Variants in GHR observed in about 807,000 individuals in gnomAD.
The protein encoded by GHR is GH receptor.
GHR carries 35 observed loss-of-function variants against 67.1 expected under a neutral mutation model. The observed-to-expected ratio is 0.52, with a 90% CI of 0.40 to 0.69. The LOEUF (loss-of-function observed/expected upper bound fraction) is 0.69. GHR is among the 30% of genes least tolerant of loss of function. The probability of loss-of-function intolerance (pLI) is 0.00; values close to 1 mark genes in which losing one functional copy is unlikely to be tolerated. For missense variants in GHR, 792 were observed against 764.6 expected (o/e 1.04, Z -0.42); for synonymous variants, 272 against 269.1 (o/e 1.01, Z -0.10).
chr5:42,641,959 T>C (rs1206128830), intron 3 of GHR, among the ~76,000 whole-genome samples: 1 of 152,056 alleles, frequency 6.6e-6, no homozygotes, highest in Non-Finnish European at 1.5e-5. Flanking sequence ...TGGCTCCTCT[T>C]GGAAAAACCA....
At position 42,721,497 on chromosome 5, in the gene GHR, G is replaced by A. The variant is rs1759021110; in HGVS notation, c.*2073G>A. 2 of 152,564 alleles carry A rather than the reference G, an allele frequency of 1.3e-5. No homozygotes were observed. Among genetic ancestry groups the A allele is most frequent in the Non-Finnish European group, 2.9e-5 (2 of 68,016 alleles). 9.5% of individuals were successfully genotyped at this position (152,564 alleles called of 1,614,324 possible). ...AACATGTTATTTGTAATAGATGTTT[G>A]ATAGATTTTCTGCTACTTTGCTGCT... On this transcript the variant is annotated 3_prime_UTR_variant, in exon 10 of 10. Transcript: ENST00000230882.
At chr5:42,549,884 G>A (rs1033192197) in intron 1 of GHR, among the ~76,000 whole-genome samples, 1 of 152,234 alleles carries the variant, frequency 6.6e-6, no homozygotes, top group African/African-American at 2.4e-5. Flanking sequence ...TAGTCCAGAT[G>A]TCAGGGCTAG....
intron 3 of GHR, among the ~76,000 whole-genome samples, chr5:42,663,124 T>C (rs1358804011): frequency 6.6e-6 from 1 of 151,696 alleles, no homozygotes; most frequent in African/African-American, 2.4e-5. Context: ...CCAAAAAGAG[T>C]CCAGGCCCAG....
chr5:42,718,348 G>C, intron 9 of GHR, 105 bp from the exon 10 acceptor site: 1 of 891,426 alleles, frequency 1.1e-6, no homozygotes, highest in East Asian at 2.4e-5. Context: ...TTTTGTTACT[G>C]TTGTTCTTAT....
At chr5:42,618,843 A>G (rs1231518479) in intron 2 of GHR, among the ~76,000 whole-genome samples, 2 of 152,112 alleles carry the variant, frequency 1.3e-5, no homozygotes, top group Non-Finnish European at 1.5e-5. Flanking sequence ...CCAAGCAGAC[A>G]TGTTGGTCTG....
intron 7 of GHR, among the ~76,000 whole-genome samples, chr5:42,712,587 T>C (rs750296165): frequency 6.6e-6 from 1 of 152,146 alleles, no homozygotes; most frequent in Non-Finnish European, 1.5e-5. Context: ...GAAAAGACTA[T>C]TTCAGCATAA....
At chr5:42,438,966 C>A (rs1241948091) in intron 1 of GHR, among the ~76,000 whole-genome samples, 6 of 152,112 alleles carry the variant, frequency 3.9e-5, no homozygotes, top group Non-Finnish European at 1.5e-5. Context: ...AATAATGCAG[C>A]CTAACACTGT....
rs909333437 is a variant in GHR at position 42,695,093 on chromosome 5, A to G, written c.439+4A>G. On this transcript the variant is annotated splice_donor_region_variant and intron_variant, in intron 5 of 9. Coordinates refer to ENST00000230882, the MANE Select transcript of GHR (RefSeq NM_000163.5). ...TGTTTCTCTGTTGATGAAATAGGTA[A>G]ATCACAGGTTTTTGTTTCATTTGAC... 6.3e-7 allele frequency: 1 copy of G among 1,597,722 alleles called. No individual in the cohort carries two copies. Among genetic ancestry groups the G allele is most frequent in the Admixed American group, 1.7e-5 (1 of 59,970 alleles).
chr5:42,507,529 T>C (rs1746828892), intron 1 of GHR, among the ~76,000 whole-genome samples: 3 of 152,186 alleles, frequency 2.0e-5, no homozygotes, highest in Admixed American at 6.5e-5. Flanking sequence ...CATGGTGGAA[T>C]TCAAAATGGT....
intron 1 of GHR, among the ~76,000 whole-genome samples, chr5:42,452,787 C>T (rs777596995): frequency 6.6e-6 from 1 of 151,746 alleles, no homozygotes; most frequent in Admixed American, 6.6e-5. Flanking sequence ...GAGAAAATTT[C>T]GTTCATATTT....
chr5:42,528,547 G>A (rs967459035), intron 1 of GHR, among the ~76,000 whole-genome samples: 1 of 152,176 alleles, frequency 6.6e-6, no homozygotes, highest in Non-Finnish European at 1.5e-5. Flanking sequence ...AGTTTCTTGA[G>A]ATGGAATCTA....
chr5:42,435,177 A>C (rs920021440), intron 1 of GHR, among the ~76,000 whole-genome samples: 1 of 152,050 alleles, frequency 6.6e-6, no homozygotes, highest in African/African-American at 2.4e-5. Context: ...CCTTTCCCCA[A>C]ACAACGAAAC....
chr5:42,659,624 T>G (rs960435594), intron 3 of GHR, among the ~76,000 whole-genome samples: 1 of 151,996 alleles, frequency 6.6e-6, no homozygotes, highest in African/African-American at 2.4e-5. Flanking sequence ...TTTAAAAAAG[T>G]TCTCTTCGAT....
chr5:42,710,373 C>CA lies in GHR; in HGVS notation c.619-826dup, dbSNP rs911813644. On this transcript the variant is annotated intron_variant, in intron 6 of 9. Transcript: ENST00000230882. ...TATAAACAGGAACAAGGTGTTCTACCAAAAAAAAGTATAAAAGCACATTGA... is the reference window on the plus strand; with the variant it reads ...TATAAACAGGAACAAGGTGTTCTACCAAAAAAAAAGTATAAAAGCACATTGA... Among the ~76,000 whole-genome samples the CA allele has an allele frequency of 4.4e-4, 29 of 65,858 alleles. No homozygotes were observed. In the Middle Eastern group the frequency reaches 0.038, roughly 87 times the overall value. 43.2% of individuals were successfully genotyped at this position (65,858 alleles called of 152,430 possible).
intron 3 of GHR, among the ~76,000 whole-genome samples, chr5:42,672,700 T>G (rs1161066641): frequency 6.6e-6 from 1 of 152,144 alleles, no homozygotes; most frequent in Non-Finnish European, 1.5e-5. Flanking sequence ...ACTATAAGAA[T>G]GTAATATTCA....
At position 42,424,953 on chromosome 5, in the gene GHR, C is replaced by T. The variant is rs529104735; in HGVS notation, c.-12+998C>T. ...TGGGGAGGCGTGTCGGCGCCTGAGC[C>T]AGTAGGGTGTGCAGGGTGGAAGAGG... On this transcript the variant is annotated intron_variant, in intron 1 of 9. Transcript: ENST00000230882. This position sits in a 1 kb window ranked among gnomAD's most constrained non-coding sequence, Gnocchi z 4.1. 1.2e-5 allele frequency: 12 copies of T among 977,576 alleles called. No homozygotes were observed. The East Asian group carries it at 9.1e-4, about 74-fold the overall frequency. 60.6% of individuals were successfully genotyped at this position (977,576 alleles called of 1,614,324 possible). A position where few individuals can be genotyped will look rare whatever the true frequency, so the allele number is the denominator to read the frequency against.
At chr5:42,443,739 T>G (rs1392666058) in intron 1 of GHR, among the ~76,000 whole-genome samples, 2 of 152,126 alleles carry the variant, frequency 1.3e-5, no homozygotes, top group Non-Finnish European at 2.9e-5. Context: ...ATGTTGCAAG[T>G]CAAGTCCAAG....
chr5:42,583,352 C>T (rs1751291027), intron 2 of GHR, among the ~76,000 whole-genome samples: 2 of 149,000 alleles, frequency 1.3e-5, no homozygotes, highest in Admixed American at 1.3e-4. Context: ...ATTCAGTCAA[C>T]TAGGCCCTTG....
chr5:42,716,646 G>A (rs1032182319), intron 8 of GHR, among the ~76,000 whole-genome samples: 2 of 152,182 alleles, frequency 1.3e-5, no homozygotes, highest in Non-Finnish European at 2.9e-5. Context: ...ACTAAAAAAT[G>A]ATAGTAGTTA....
Sources: gnomAD v4.1 joint callset for allele counts (sites outside exome capture counted in the v4.1 genomes callset) on GRCh38, gnomAD v4.1.1 for gene constraint, Gnocchi (gnomAD v3.1) non-coding constraint, MANE v1.5 for transcripts, NCBI Gene and HGNC (gene_info 2026-07-23, HGNC 2026-07-21) for gene names.